The following PUM2 variants were observed in gnomAD, a reference collection of about 807,000 sequenced individuals.
PUM2 encodes the protein pumilio homolog 2.
PUM2 carries 57 observed loss-of-function variants against 124.5 expected under a neutral mutation model. That is an observed-to-expected ratio of 0.46 (90% CI 0.37 to 0.57). The LOEUF (loss-of-function observed/expected upper bound fraction) is 0.57, where lower values mean the gene tolerates loss of function less well. Ranked by LOEUF, PUM2 falls within the 20% of genes least tolerant of loss-of-function variation. The probability of loss-of-function intolerance (pLI) is 0.00; values close to 1 mark genes in which losing one functional copy is unlikely to be tolerated. For missense variants in PUM2, 1,065 were observed against 1,290.6 expected (o/e 0.83, Z 2.68); for synonymous variants, 460 against 446.1 (o/e 1.03, Z -0.39).
chr2:20,325,059 AAGG>A (rs1458126419), intron 2 of PUM2, among the ~76,000 whole-genome samples: 12 of 152,302 alleles, frequency 7.9e-5, no homozygotes, highest in African/African-American at 1.9e-4. Flanking sequence ...CCTGTCAGGA[AAGG>A]AGGAGAAGAC....
intron 9 of PUM2, among the ~76,000 whole-genome samples, chr2:20,292,198 C>T (rs1307281374): frequency 6.6e-6 from 1 of 151,702 alleles, no homozygotes; most frequent in Non-Finnish European, 1.5e-5. Context: ...AAAATCCTGG[C>T]CTCCGCTACT....
chr2:20,297,058 T>C lies in PUM2; in HGVS notation c.1009+495A>G, dbSNP rs188543467. On this transcript the variant is annotated intron_variant, in intron 8 of 20. Coordinates refer to ENST00000361078, the MANE Select transcript of PUM2 (RefSeq NM_015317.5). ...AGGCTGGGCAGTTTTTAGTACGTTC[T>C]TTCCAACTTGATCCAAACTTTTTGT... Among the ~76,000 whole-genome samples the C allele has an allele frequency of 6.6e-5, 10 of 152,314 alleles. 1 individual carries two copies. The highest frequency in any genetic ancestry group is 5.9e-4 in the Admixed American group (9 of 15,298).
At chr2:20,281,437 C>G (rs1671497200) in intron 12 of PUM2, among the ~76,000 whole-genome samples, 6 of 152,148 alleles carry the variant, frequency 3.9e-5, no homozygotes, top group Admixed American at 3.9e-4. Context: ...CAGTGACATA[C>G]TACGTGAGAA....
intron 2 of PUM2, 63 bp downstream of exon 2, chr2:20,327,247 A>T: frequency 8.1e-7 from 1 of 1,237,380 alleles, no homozygotes; most frequent in East Asian, 2.3e-5. Context: ...TAAAAAAAAA[A>T]AATAAGTTAC....
At chr2:20,312,568 A>T (rs1398559945) in intron 3 of PUM2, 145 bp from the exon 4 acceptor site, 5 of 761,278 alleles carry the variant, frequency 6.6e-6, no homozygotes. Context: ...AGCTCTTCAT[A>T]GGACACAAAC....
In PUM2 at chr2:20,283,036, C is replaced by T. The variant is rs768030095; in HGVS notation, c.1631G>A (p.Gly544Asp). 6.2e-7 allele frequency: 1 copy of T among 1,614,016 alleles called. No individual in the cohort carries two copies. Among genetic ancestry groups the T allele is most frequent in the South Asian group, 1.1e-5 (1 of 91,082 alleles). Residue 544 changes from glycine to aspartate, a missense_variant, in exon 12 of 21, where the codon GGT becomes GAT. This residue lies in a region of PUM2 where 968 missense variants were observed against 1,159.8 expected (regional missense o/e 0.83). Transcript: ENST00000361078. ...GCCAAGAGATGTACTTCCAGGTTGA[C>T]CAGGTCCATGAGAAAATAAAGAACT... Reference protein sequence around the residue: ...QSSSLFSHGPGQPGSTSLGFG... With the variant: ...QSSSLFSHGPDQPGSTSLGFG...
At chr2:20,263,637 T>C (rs1666835849) in intron 13 of PUM2, among the ~76,000 whole-genome samples, 177 bp from the exon 14 acceptor site, 1 of 152,210 alleles carries the variant, frequency 6.6e-6, no homozygotes, top group Non-Finnish European at 1.5e-5. Flanking sequence ...CTCATGTATG[T>C]GGCTATATGA....
intron 10 of PUM2, among the ~76,000 whole-genome samples, chr2:20,287,869 C>T (rs948700045): frequency 5.9e-5 from 9 of 152,146 alleles, no homozygotes; most frequent in African/African-American, 2.2e-4. Context: ...ACAAGGTAAA[C>T]AGTAGACAGG....
chr2:20,325,256 G>A (rs1385340608), intron 2 of PUM2, among the ~76,000 whole-genome samples: 4 of 152,180 alleles, frequency 2.6e-5, no homozygotes, highest in African/African-American at 4.8e-5. Context: ...ACTAATGAGA[G>A]CATCTTAAAA....
chr2:20,345,274 C>G (rs1047939879), intron 1 of PUM2, among the ~76,000 whole-genome samples: 6 of 151,780 alleles, frequency 4.0e-5, no homozygotes, highest in Non-Finnish European at 8.8e-5. Flanking sequence ...CCATGCCAGA[C>G]TAATTTTTTA....
chr2:20,255,953 G>T, intron 17 of PUM2, 80 bp downstream of exon 17: 3 of 1,342,968 alleles, frequency 2.2e-6, no homozygotes, highest in South Asian at 3.4e-5. Context: ...ATTATCTAGT[G>T]ACTCATGAAA....
At chr2:20,292,993 G>A (rs556850444) in intron 9 of PUM2, among the ~76,000 whole-genome samples, 20 of 152,164 alleles carry the variant, frequency 1.3e-4, no homozygotes, top group Middle Eastern at 3.4e-3. Context: ...GGAAAGATTC[G>A]GCAAATAAAT....
chr2:20,266,840 T>A (rs1282791746), intron 13 of PUM2, among the ~76,000 whole-genome samples: 1 of 151,760 alleles, frequency 6.6e-6, no homozygotes, highest in African/African-American at 2.4e-5. Flanking sequence ...TCAATCTCCC[T>A]TTCTCTTTCT....
chr2:20,265,518 A>G (rs943379359), intron 13 of PUM2, among the ~76,000 whole-genome samples: 1 of 152,226 alleles, frequency 6.6e-6, no homozygotes, highest in African/African-American at 2.4e-5. Flanking sequence ...TCACATCTGC[A>G]CAGCCACTGG....
At chr2:20,317,592 GGTTT>G (rs1681280688) in intron 3 of PUM2, among the ~76,000 whole-genome samples, 1 of 152,076 alleles carries the variant, frequency 6.6e-6, no homozygotes, top group Non-Finnish European at 1.5e-5. Flanking sequence ...TACATGTGCA[GGTTT>G]GTTATATAGG....
At chr2:20,280,909 C>T (rs1328321873) in intron 12 of PUM2, among the ~76,000 whole-genome samples, 3 of 152,130 alleles carry the variant, frequency 2.0e-5, no homozygotes, top group Non-Finnish European at 4.4e-5. Context: ...GTTTAGGCTT[C>T]TTGGCCAACT....
intron 14 of PUM2, among the ~76,000 whole-genome samples, chr2:20,261,394 CA>C (rs200294801): frequency 1.4e-4 from 11 of 76,776 alleles, no homozygotes; most frequent in South Asian, 1.1e-3. Flanking sequence ...ACTCTGTCTC[CA>C]AAAAAAAAAA....
chr2:20,267,026 C>CTTTTTTTTTTTTTTT (rs373222999), intron 13 of PUM2, among the ~76,000 whole-genome samples: 14 of 142,806 alleles, frequency 9.8e-5, no homozygotes, highest in African/African-American at 3.3e-4. Context: ...ATGCCTGTAA[C>CTTTTTTTTTTTTTTT]TTTTTTTTTT....
At chr2:20,291,713 T>G (rs945627891) in intron 9 of PUM2, among the ~76,000 whole-genome samples, 3 of 152,190 alleles carry the variant, frequency 2.0e-5, no homozygotes, top group Non-Finnish European at 4.4e-5. Flanking sequence ...TTAACTGCTG[T>G]ATCCTTACAT....
Sources: allele counts gnomAD v4.1 joint callset (sites outside exome capture counted in the v4.1 genomes callset), GRCh38; gene constraint gnomAD v4.1.1; regional missense constraint gnomAD v4.1.1; transcripts MANE v1.5; gene names NCBI Gene and HGNC (gene_info 2026-07-23, HGNC 2026-07-21).